Variants in MAML2 observed in about 807,000 individuals in gnomAD.
MAML2 encodes mastermind like transcriptional coactivator 2.
Under a neutral mutation model 96.1 loss-of-function variants are expected in MAML2, and 22 were observed. The observed-to-expected ratio is 0.23, with a 90% confidence interval of 0.16 to 0.33. The LOEUF (loss-of-function observed/expected upper bound fraction) is 0.33. MAML2 is among the 10% of genes least tolerant of loss of function. The pLI, the probability that MAML2 is intolerant of heterozygous loss-of-function variation, is 1.00. For synonymous variants in MAML2, 561 were observed against 521.3 expected, an observed-to-expected ratio of 1.08 and a Z score of -1.04; for missense variants, 1,367 against 1,392.4, an observed-to-expected ratio of 0.98 and a Z score of 0.29.
At chr11:96,083,089 G>A (rs1859553323) in intron 2 of MAML2, among the ~76,000 whole-genome samples, 1 of 152,188 alleles carries the variant, frequency 6.6e-6, no homozygotes, top group Non-Finnish European at 1.5e-5. Context: ...TGGCACGTGG[G>A]GTGCAAGGGA....
chr11:96,335,235 G>A (rs1245062113), intron 1 of MAML2, among the ~76,000 whole-genome samples: 1 of 152,186 alleles, frequency 6.6e-6, no homozygotes, highest in Non-Finnish European at 1.5e-5. Context: ...ACATCTCAAA[G>A]ACCATCTAAA....
intron 2 of MAML2, among the ~76,000 whole-genome samples, chr11:96,055,024 A>C (rs1453406761): frequency 6.6e-6 from 1 of 152,166 alleles, no homozygotes; most frequent in Non-Finnish European, 1.5e-5. Context: ...TTTTGGTTAC[A>C]GTATCTTAGC....
Position 96,342,012 on chromosome 11 carries a change from A to C in MAML2, c.-117T>G. 1 of 1,019,614 alleles carries C rather than the reference A, an allele frequency of 9.8e-7. No individual in the cohort carries two copies. Among genetic ancestry groups the C allele is most frequent in the Non-Finnish European group, 1.4e-6 (1 of 721,052 alleles). 63.2% of individuals were successfully genotyped at this position (1,019,614 alleles called of 1,614,324 possible). ...GAGCTCAGTGTTCAGGGCCACATGA[A>C]TAGAGGTCTTCAGAGGTTGTGGGGG... On this transcript the variant is annotated 5_prime_UTR_variant, in exon 1 of 5. Coordinates refer to ENST00000524717, the MANE Select transcript of MAML2 (RefSeq NM_032427.4).
At chr11:96,180,588 G>T (rs1195007283) in intron 1 of MAML2, among the ~76,000 whole-genome samples, 2 of 152,142 alleles carry the variant, frequency 1.3e-5, no homozygotes, top group Admixed American at 6.5e-5. Flanking sequence ...CCAGTCCCTT[G>T]GTCTGTAAGC....
chr11:96,184,591 CTT>C (rs35327027), intron 1 of MAML2, among the ~76,000 whole-genome samples: 5 of 128,190 alleles, frequency 3.9e-5, no homozygotes, highest in Admixed American at 8.0e-5. Flanking sequence ...AGTCATTTTA[CTT>C]TTTTTTTTTT....
chr11:96,323,483 G>GGA (rs111667298), intron 1 of MAML2, among the ~76,000 whole-genome samples: 2 of 144,698 alleles, frequency 1.4e-5, no homozygotes, highest in Admixed American at 6.9e-5. Flanking sequence ...ACAAAATGCT[G>GGA]AAAAAAAAAA....
chr11:96,090,865 T>A (rs1859692556), intron 2 of MAML2, among the ~76,000 whole-genome samples: 1 of 152,226 alleles, frequency 6.6e-6, no homozygotes. Flanking sequence ...TCTAGGAATG[T>A]TATTGGAATT....
Position 96,015,934 on chromosome 11 carries a change from A to T in MAML2, c.2140-24211T>A, listed in dbSNP as rs142327164. 6.2e-3 allele frequency among the ~76,000 whole-genome samples: 950 copies of T among 152,254 alleles called. 10 individuals are homozygous for T. Among genetic ancestry groups the T allele is most frequent in the African/African-American group, 0.018 (762 of 41,534 alleles). ...ATTATTTAACTTCTCAGGTCAGTACAGTATAAAGGAAAGAATGAAATTTCA... is the reference window on the plus strand; with the variant it reads ...ATTATTTAACTTCTCAGGTCAGTACTGTATAAAGGAAAGAATGAAATTTCA... On this transcript the variant is annotated intron_variant, in intron 2 of 4. Transcript: ENST00000524717.
At chr11:96,231,047 C>A (rs1022686851) in intron 1 of MAML2, among the ~76,000 whole-genome samples, 1 of 150,400 alleles carries the variant, frequency 6.6e-6, no homozygotes, top group Non-Finnish European at 1.5e-5. Context: ...TAATGACAAG[C>A]GAATAGATGT....
At chr11:96,301,947 C>G (rs537532291) in intron 1 of MAML2, among the ~76,000 whole-genome samples, 1 of 152,160 alleles carries the variant, frequency 6.6e-6, no homozygotes, top group Non-Finnish European at 1.5e-5. Flanking sequence ...AGAGCTATTG[C>G]GACCTTATTC....
chr11:96,204,158 A>C (rs980821234), intron 1 of MAML2, among the ~76,000 whole-genome samples: 29 of 152,274 alleles, frequency 1.9e-4, no homozygotes, highest in African/African-American at 5.8e-4. Context: ...GGGCCTTCTG[A>C]CCAGCAGGGA....
chr11:96,341,758 G>A lies in MAML2; in HGVS notation c.138C>T (p.Val46=). The A allele has an allele frequency of 3.1e-6, 5 of 1,612,896 alleles. No individual in the cohort carries two copies. Among genetic ancestry groups the A allele is most frequent in the Non-Finnish European group, 4.2e-6 (5 of 1,179,730 alleles). ...CACAGCTCAGGTGGTGTTGGCGGCA[G>A]ACAGCGATCCGAGCCCGGAGGCGCT... ...IVERLRARIA[V]CRQHHLSCEG... The change falls in exon 1 of 5, where the codon GTC becomes GTT. Residue 46 remains valine, a synonymous_variant. Coordinates refer to ENST00000524717, the MANE Select transcript of MAML2 (RefSeq NM_032427.4).
At chr11:96,043,452 G>A (rs1858848854) in intron 2 of MAML2, among the ~76,000 whole-genome samples, 2 of 152,226 alleles carry the variant, frequency 1.3e-5, no homozygotes, top group Non-Finnish European at 2.9e-5. Context: ...TACAGAGAAA[G>A]AGCTACAAGG....
At chr11:96,246,147 G>C (rs1173198243) in intron 1 of MAML2, among the ~76,000 whole-genome samples, 1 of 152,036 alleles carries the variant, frequency 6.6e-6, no homozygotes, top group Admixed American at 6.6e-5. Context: ...GAGACCAACA[G>C]GTAAATACAT....
rs1353229402 is a variant in MAML2 at position 96,299,056 on chromosome 11, A to T, written c.513+42327T>A. On this transcript the variant is annotated intron_variant, in intron 1 of 4. Coordinates refer to ENST00000524717, the MANE Select transcript of MAML2 (RefSeq NM_032427.4). ...CGAGAGTCCATCTCAAAAAAAAAAAAAAAAATATATATATATATATATATA... is the reference window on the plus strand; with the variant it reads ...CGAGAGTCCATCTCAAAAAAAAAAATAAAAATATATATATATATATATATA... 8.2e-3 allele frequency among the ~76,000 whole-genome samples: 405 copies of T among 49,450 alleles called. 2 individuals are homozygous for T. Among genetic ancestry groups the T allele is most frequent in the Admixed American group, 0.011 (46 of 4,260 alleles). The allele number at this position is 49,450 out of a possible 152,430, so 32.4% of individuals were successfully genotyped here.
At chr11:96,158,380 C>T (rs1861046217) in intron 1 of MAML2, among the ~76,000 whole-genome samples, 1 of 152,128 alleles carries the variant, frequency 6.6e-6, no homozygotes, top group African/African-American at 2.4e-5. Context: ...AATATGCTGC[C>T]CAGGTTGACC....
intron 1 of MAML2, among the ~76,000 whole-genome samples, chr11:96,311,815 A>C (rs474646): frequency 0.74 from 111,907 of 152,090 alleles, 41,411 homozygotes; most frequent in East Asian, 0.82. Flanking sequence ...CCTTTTTGTG[A>C]CTTTGATGAG....
intron 1 of MAML2, among the ~76,000 whole-genome samples, chr11:96,177,504 C>A (rs1470030975): frequency 6.6e-6 from 1 of 152,136 alleles, no homozygotes; most frequent in Non-Finnish European, 1.5e-5. Context: ...CAGGCCACTG[C>A]CAAAGTTACA....
intron 1 of MAML2, among the ~76,000 whole-genome samples, chr11:96,252,838 C>T (rs995257564): frequency 1.3e-5 from 2 of 152,194 alleles, no homozygotes; most frequent in African/African-American, 2.4e-5. Flanking sequence ...CTGCCTTTTA[C>T]ACAACAACCT....
Sources: gnomAD v4.1 joint callset for allele counts (sites outside exome capture counted in the v4.1 genomes callset) on GRCh38, gnomAD v4.1.1 for gene constraint, MANE v1.5 for transcripts, NCBI Gene and HGNC (gene_info 2026-07-23, HGNC 2026-07-21) for gene names.